ANKS1B: variants seen among roughly 807,000 people sequenced by gnomAD.
ANKS1B encodes ankyrin repeat and sterile alpha motif domain-containing protein 1B.
In ANKS1B, 36 loss-of-function variants were observed where a neutral mutation model predicts 148.3. The ratio of observed to expected loss-of-function variants is 0.24; its 90% CI spans 0.19 to 0.32. The LOEUF (loss-of-function observed/expected upper bound fraction) is 0.32, where lower values mean the gene tolerates loss of function less well. ANKS1B is among the 10% of genes least tolerant of loss of function. The pLI, the probability that ANKS1B is intolerant of heterozygous loss-of-function variation, is 1.00. For missense variants in ANKS1B, 1,157 were observed against 1,542.6 expected, an observed-to-expected ratio of 0.75 and a Z score of 4.19; for synonymous variants, 542 against 560.8, an observed-to-expected ratio of 0.97 and a Z score of 0.47.
chr12:99,333,853 A>ATTTTTTTTTTTTTT (rs2088093891), intron 12 of ANKS1B, among the ~76,000 whole-genome samples: 2 of 87,630 alleles, frequency 2.3e-5, no homozygotes, highest in Non-Finnish European at 4.2e-5. Context: ...TCCAGTTCTC[A>ATTTTTTTTTTTTTT]GTTTTTTTTT....
At chr12:99,320,184 C>T (rs1001970604) in intron 12 of ANKS1B, among the ~76,000 whole-genome samples, 1 of 152,090 alleles carries the variant, frequency 6.6e-6, no homozygotes, top group African/African-American at 2.4e-5. Flanking sequence ...AGTTGCTCTT[C>T]TTGAGGAATA....
At chr12:99,878,463 C>T (rs954686940) in intron 1 of ANKS1B, among the ~76,000 whole-genome samples, 5 of 152,176 alleles carry the variant, frequency 3.3e-5, no homozygotes, top group Non-Finnish European at 7.4e-5. Context: ...ATCTTTTGTG[C>T]TGGGCACTCT....
chr12:99,443,865 C>T, intron 10 of ANKS1B, 56 bp from the exon 11 acceptor site: 1 of 1,527,626 alleles, frequency 6.5e-7, no homozygotes, highest in Non-Finnish European at 8.8e-7. Context: ...CCTTTTAAGA[C>T]TTGAAATTAA....
chr12:99,276,535 C>T (rs897104715), intron 12 of ANKS1B, among the ~76,000 whole-genome samples: 7 of 152,156 alleles, frequency 4.6e-5, no homozygotes, highest in African/African-American at 1.7e-4. Flanking sequence ...GGGTGAGCAT[C>T]TCTCTCACCT....
intron 12 of ANKS1B, among the ~76,000 whole-genome samples, chr12:99,251,835 G>A (rs1331861251): frequency 2.6e-5 from 4 of 152,054 alleles, no homozygotes; most frequent in Admixed American, 1.3e-4. Context: ...TAAGGATACC[G>A]GGGCTGATGT....
At chr12:99,683,106 G>A (rs1323083881) in intron 8 of ANKS1B, among the ~76,000 whole-genome samples, 1 of 152,004 alleles carries the variant, frequency 6.6e-6, no homozygotes, top group Non-Finnish European at 1.5e-5. Flanking sequence ...ACTACCATGA[G>A]AACAGTATGA....
intron 15 of ANKS1B, among the ~76,000 whole-genome samples, chr12:99,151,910 T>C (rs991218588): frequency 6.6e-6 from 1 of 152,190 alleles, no homozygotes; most frequent in African/African-American, 2.4e-5. Flanking sequence ...TAATAAGACA[T>C]GCACTACATC....
intron 17 of ANKS1B, among the ~76,000 whole-genome samples, chr12:99,028,625 G>C (rs915020075): frequency 2.0e-4 from 31 of 152,090 alleles, no homozygotes; most frequent in African/African-American, 7.5e-4. Context: ...TTCCCTTCCT[G>C]AATTTCAGGA....
intron 9 of ANKS1B, among the ~76,000 whole-genome samples, chr12:99,609,853 C>G (rs2097885351): frequency 6.6e-6 from 1 of 152,024 alleles, no homozygotes; most frequent in Admixed American, 6.6e-5. Context: ...TGGAAAGGAA[C>G]AAATACAGAT....
intron 1 of ANKS1B, among the ~76,000 whole-genome samples, chr12:99,847,976 A>C (rs1483825345): frequency 6.6e-6 from 1 of 152,022 alleles, no homozygotes; most frequent in Non-Finnish European, 1.5e-5. Flanking sequence ...CCTGGTGAAA[A>C]AGAACAGTTT....
chr12:98,836,887 G>C (rs1248805314), intron 17 of ANKS1B, among the ~76,000 whole-genome samples: 2 of 152,202 alleles, frequency 1.3e-5, no homozygotes, highest in African/African-American at 4.8e-5. Flanking sequence ...CCAATTATTT[G>C]GAGGATTCAA....
intron 11 of ANKS1B, among the ~76,000 whole-genome samples, chr12:99,420,669 G>A (rs2095054051): frequency 6.6e-6 from 1 of 152,096 alleles, no homozygotes; most frequent in African/African-American, 2.4e-5. Context: ...TCAAAAGGTT[G>A]ATATGAAGGG....
At chr12:99,364,395 A>G (rs1441838331) in intron 12 of ANKS1B, among the ~76,000 whole-genome samples, 1 of 152,186 alleles carries the variant, frequency 6.6e-6, no homozygotes, top group Non-Finnish European at 1.5e-5. Context: ...CCCTATTGTC[A>G]TATGTCCCAT....
intron 17 of ANKS1B, among the ~76,000 whole-genome samples, chr12:99,014,658 A>G (rs751612592): frequency 2.0e-5 from 3 of 152,216 alleles, no homozygotes; most frequent in Non-Finnish European, 4.4e-5. Context: ...TCTATAAGGA[A>G]CTTAAACAAA....
rs1183711996 is a variant in ANKS1B at position 99,046,521 on chromosome 12, C to T, written c.2778+6636G>A. 3.3e-5 allele frequency among the ~76,000 whole-genome samples: 5 copies of T among 151,680 alleles called. No homozygotes were observed. In the East Asian group the frequency reaches 5.9e-4, roughly 18 times the overall value. Reference sequence around the variant, plus strand: ...AATATAAGAAAGACCCAAGTCTGGCCGGGTGCGGTGGCTCATGCCTGTAAT... The same window carrying T: ...AATATAAGAAAGACCCAAGTCTGGCTGGGTGCGGTGGCTCATGCCTGTAAT... On this transcript the variant is annotated intron_variant, in intron 17 of 26. Transcript: ENST00000683438.
chr12:98,897,877 A>G (rs1029919080), intron 17 of ANKS1B, among the ~76,000 whole-genome samples: 3 of 152,252 alleles, frequency 2.0e-5, no homozygotes, highest in African/African-American at 7.2e-5. Flanking sequence ...GATACTATGC[A>G]GCCATAAAAA....
chr12:99,051,694 C>G (rs1196814742), intron 17 of ANKS1B, among the ~76,000 whole-genome samples: 1 of 152,130 alleles, frequency 6.6e-6, no homozygotes, highest in African/African-American at 2.4e-5. Context: ...ATAATGATAG[C>G]TTTTGTGAGG....
At chr12:99,506,138 C>A (rs1431265580) in intron 9 of ANKS1B, among the ~76,000 whole-genome samples, 3 of 152,026 alleles carry the variant, frequency 2.0e-5, no homozygotes, top group African/African-American at 7.2e-5. Flanking sequence ...TGCTTTCACA[C>A]CATTGCAAAG....
chr12:99,092,332 T>C (rs1404043706), intron 15 of ANKS1B, among the ~76,000 whole-genome samples: 1 of 152,110 alleles, frequency 6.6e-6, no homozygotes, highest in Non-Finnish European at 1.5e-5. Flanking sequence ...ACCTCTGTCC[T>C]ACTCTTTTAG....
Sources: allele counts gnomAD v4.1 joint callset (sites outside exome capture counted in the v4.1 genomes callset), GRCh38; gene constraint gnomAD v4.1.1; transcripts MANE v1.5; gene names NCBI Gene and HGNC (gene_info 2026-07-23, HGNC 2026-07-21).